PXDNL: variants seen among roughly 807,000 people sequenced by gnomAD.
PXDNL encodes probable oxidoreductase PXDNL.
PXDNL carries 145 observed loss-of-function variants against 150.8 expected under a neutral mutation model. The observed-to-expected ratio is 0.96, with a 90% CI of 0.84 to 1.10. The LOEUF (loss-of-function observed/expected upper bound fraction) is 1.10. Among genes scored for constraint, PXDNL ranks in the 50% least tolerant of loss-of-function variants. The pLI is 0.00. For synonymous variants in PXDNL, 757 were observed against 725.7 expected (o/e 1.04, Z -0.69); for missense variants, 2,087 against 1,873.9 (o/e 1.11, Z -2.10).
At chr8:51,524,631 C>G (rs35889669) in intron 4 of PXDNL, among the ~76,000 whole-genome samples, 76,024 of 151,822 alleles carry the variant, frequency 0.5, 22,190 homozygotes, top group Non-Finnish European at 0.65. Flanking sequence ...CCACCATTAA[C>G]TAAAAAAAAA....
At chr8:51,429,691 T>C (rs957698461) in intron 12 of PXDNL, among the ~76,000 whole-genome samples, 3 of 149,132 alleles carry the variant, frequency 2.0e-5, no homozygotes, top group Non-Finnish European at 3.0e-5. Flanking sequence ...TCCTTTCTTT[T>C]TTTTTTTTTT....
intron 17 of PXDNL, among the ~76,000 whole-genome samples, chr8:51,398,320 G>T (rs777692571): frequency 6.6e-6 from 1 of 152,218 alleles, no homozygotes; most frequent in Non-Finnish European, 1.5e-5. Flanking sequence ...GGAACAGGTG[G>T]CGGGACCTGC....
intron 17 of PXDNL, among the ~76,000 whole-genome samples, chr8:51,380,852 A>C (rs973323714): frequency 6.6e-6 from 1 of 152,096 alleles, no homozygotes; most frequent in African/African-American, 2.4e-5. Context: ...GAAATGTTGC[A>C]TTTTACATGG....
chr8:51,495,199 G>C (rs1243771051), intron 5 of PXDNL, among the ~76,000 whole-genome samples: 6 of 152,104 alleles, frequency 3.9e-5, no homozygotes, highest in Non-Finnish European at 8.8e-5. Context: ...ATAACAAAAT[G>C]AAGGCAGAAA....
rs566497717 is a variant in PXDNL at position 51,570,342 on chromosome 8, G to A, written c.309-13431C>T. Among the ~76,000 whole-genome samples the A allele has an allele frequency of 1.3e-4, 20 of 151,940 alleles. 1 individual carries two copies. The highest frequency in any genetic ancestry group is 7.8e-4 in the East Asian group (4 of 5,128). On this transcript the variant is annotated intron_variant, in intron 3 of 22. Coordinates refer to ENST00000356297, the MANE Select transcript of PXDNL (RefSeq NM_144651.5). ...GATGCAGATGAACTAGGCTCTTGGC[G>A]AAATTGTTTGAGCCATTAGGTTCGT...
In PXDNL at chr8:51,413,273, T is replaced by C. The variant is rs367727307; in HGVS notation, c.1796-15A>G. ...ACCCTGTATAGCTTTGAAAATCAAT[T>C]CCATGATTAAAAATATCAAACAGAC... On this transcript the variant is annotated splice_polypyrimidine_tract_variant and intron_variant, in intron 14 of 22. Coordinates refer to ENST00000356297, the MANE Select transcript of PXDNL (RefSeq NM_144651.5). The C allele has an allele frequency of 1.9e-5, 29 of 1,493,414 alleles. No homozygotes were observed. The African/African-American group carries it at 4.0e-4, about 21-fold the overall frequency. The allele number at this position is 1,493,414 out of a possible 1,614,324, so 92.5% of individuals were successfully genotyped here.
chr8:51,721,719 G>A lies in PXDNL; in HGVS notation c.165-66959C>T, dbSNP rs557184490. ...CCTCATCAAAATTCTCCACAAGATC[G>A]GGAACTTCACTATCATCATCATCAT... On this transcript the variant is annotated intron_variant, in intron 1 of 22. Transcript: ENST00000356297. 22 of 461,540 alleles carry A rather than the reference G, an allele frequency of 4.8e-5. No homozygotes were observed. In the East Asian group the frequency reaches 9.7e-4, roughly 20 times the overall value. The allele number at this position is 461,540 out of a possible 1,614,324, so 28.6% of individuals were successfully genotyped here.
chr8:51,643,315 A>G (rs1225452050), intron 2 of PXDNL, among the ~76,000 whole-genome samples: 3 of 152,230 alleles, frequency 2.0e-5, no homozygotes, highest in Non-Finnish European at 4.4e-5. Flanking sequence ...ACAGTAACCA[A>G]GACAGCATGG....
At position 51,649,584 on chromosome 8, in the gene PXDNL, A is replaced by G. The variant is rs1051727939; in HGVS notation, c.236+5105T>C. On this transcript the variant is annotated intron_variant, in intron 2 of 22. Coordinates refer to ENST00000356297, the MANE Select transcript of PXDNL (RefSeq NM_144651.5). ...CCTACCACAACACTTCACACATAAC[A>G]TGTTTACAATAAAGAGAAAATCCCC... Among the ~76,000 whole-genome samples, 13 of 152,210 alleles carry G rather than the reference A, an allele frequency of 8.5e-5. No homozygotes were observed. In the East Asian group the frequency reaches 1.9e-3, roughly 23 times the overall value.
Position 51,545,416 on chromosome 8 carries a change from C to T in PXDNL, c.380+11424G>A, listed in dbSNP as rs186454087. Among the ~76,000 whole-genome samples the T allele has an allele frequency of 2.6e-4, 40 of 152,266 alleles. 1 individual carries two copies. Among genetic ancestry groups the T allele is most frequent in the South Asian group, 2.3e-3 (11 of 4,828 alleles). On this transcript the variant is annotated intron_variant, in intron 4 of 22. Coordinates refer to ENST00000356297, the MANE Select transcript of PXDNL (RefSeq NM_144651.5). ...AAATTATTTTTTAAAAAGACGAAGGCACACATTTTATCACAGTGATAGTTT... is the reference window on the plus strand; with the variant it reads ...AAATTATTTTTTAAAAAGACGAAGGTACACATTTTATCACAGTGATAGTTT...
At chr8:51,617,527 G>A (rs542956991) in intron 2 of PXDNL, among the ~76,000 whole-genome samples, 5 of 152,246 alleles carry the variant, frequency 3.3e-5, no homozygotes, top group East Asian at 1.9e-4. Context: ...TTTCACATGC[G>A]CCACATAGAG....
chr8:51,542,694 C>T (rs945051230), intron 4 of PXDNL, among the ~76,000 whole-genome samples: 6 of 151,754 alleles, frequency 4.0e-5, no homozygotes, highest in Non-Finnish European at 8.8e-5. Flanking sequence ...CCTGTAATCC[C>T]AGCTACTCAG....
intron 17 of PXDNL, among the ~76,000 whole-genome samples, chr8:51,394,373 G>A (rs948090021): frequency 1.3e-5 from 2 of 152,072 alleles, no homozygotes; most frequent in Non-Finnish European, 2.9e-5. Flanking sequence ...TCCATTTGGG[G>A]ACTTTTTTGA....
intron 1 of PXDNL, among the ~76,000 whole-genome samples, chr8:51,707,685 C>T (rs190264694): frequency 6.6e-6 from 1 of 152,308 alleles, no homozygotes; most frequent in Admixed American, 6.5e-5. Flanking sequence ...ATTTCCTCCT[C>T]CCCACAACCC....
intron 1 of PXDNL, among the ~76,000 whole-genome samples, chr8:51,700,270 CACACAT>C (rs1816226733): frequency 1.3e-5 from 2 of 151,744 alleles, no homozygotes; most frequent in African/African-American, 2.4e-5. Context: ...CACACACACA[CACACAT>C]ATATACATAC....
At chr8:51,588,962 TA>T (rs1191692383) in intron 3 of PXDNL, among the ~76,000 whole-genome samples, 4 of 152,210 alleles carry the variant, frequency 2.6e-5, no homozygotes, top group Admixed American at 6.5e-5. Flanking sequence ...ATTTCCAGTG[TA>T]ACTATGATAA....
At position 51,408,302 on chromosome 8, in the gene PXDNL, C is replaced by A. The variant is rs1586080431; in HGVS notation, c.3322G>T (p.Ala1108Ser). The A allele has an allele frequency of 6.2e-7, 1 of 1,613,944 alleles. No individual in the cohort carries two copies. The highest frequency in any genetic ancestry group is 1.1e-5 in the South Asian group (1 of 91,078). ...DPVLRGLFGV[A>S]AKWRAPSYLL... ...TAGGAGGGTGCCCGCCATTTAGCAGCCACGCCAAACAGCCCCCGGAGAACC... is the reference window on the plus strand; with the variant it reads ...TAGGAGGGTGCCCGCCATTTAGCAGACACGCCAAACAGCCCCCGGAGAACC... Residue 1108 changes from alanine to serine, a missense_variant, in exon 17 of 23, where the codon GCT (alanine) becomes TCT (serine). By Grantham distance (99) the Ala-to-Ser change is moderately conservative. Transcript: ENST00000356297.
intron 1 of PXDNL, among the ~76,000 whole-genome samples, chr8:51,715,652 C>A (rs1816601130): frequency 6.6e-6 from 1 of 152,168 alleles, no homozygotes; most frequent in South Asian, 2.1e-4. Flanking sequence ...ATGAGGAGGT[C>A]TGCAAATGCT....
intron 4 of PXDNL, among the ~76,000 whole-genome samples, chr8:51,546,512 T>C (rs781018223): frequency 6.6e-6 from 1 of 152,166 alleles, no homozygotes; most frequent in African/African-American, 2.4e-5. Context: ...ACAGAGGTCC[T>C]TGGGGAAGGG....
Sources: allele counts gnomAD v4.1 joint callset (sites outside exome capture counted in the v4.1 genomes callset), GRCh38; gene constraint gnomAD v4.1.1; transcripts MANE v1.5; gene names NCBI Gene and HGNC (gene_info 2026-07-23, HGNC 2026-07-21).